Variants in CNTNAP4 observed in about 807,000 individuals in gnomAD.
CNTNAP4 encodes contactin associated protein family member 4.
CNTNAP4 carries 98 observed loss-of-function variants against 148.4 expected under a neutral mutation model. The observed-to-expected ratio is 0.66, with a 90% CI of 0.56 to 0.78. The LOEUF is 0.78. Among genes scored for constraint, CNTNAP4 ranks in the 30% least tolerant of loss-of-function variants. CNTNAP4 has a pLI of 0.00. For missense variants in CNTNAP4, 1,935 were observed against 1,565.6 expected, an observed-to-expected ratio of 1.24 and a Z score of -3.98; for synonymous variants, 730 against 565.1, an observed-to-expected ratio of 1.29 and a Z score of -4.14.
At chr16:76,377,447 A>T (rs1480704919) in intron 3 of CNTNAP4, among the ~76,000 whole-genome samples, 1 of 152,182 alleles carries the variant, frequency 6.6e-6, no homozygotes, top group African/African-American at 2.4e-5. Context: ...TCAGTGGTCT[A>T]TGGTGGAAGA....
intron 21 of CNTNAP4, among the ~76,000 whole-genome samples, chr16:76,545,654 A>C (rs1245448542): frequency 6.6e-6 from 1 of 152,208 alleles, no homozygotes; most frequent in African/African-American, 2.4e-5. Context: ...GGTGCCTCAA[A>C]TCTACAAACC....
chr16:76,548,569 G>A (rs1161028361), intron 21 of CNTNAP4, among the ~76,000 whole-genome samples: 1 of 151,680 alleles, frequency 6.6e-6, no homozygotes, highest in East Asian at 2.0e-4. Context: ...CATTTTTCTT[G>A]CAGGCCTTTT....
chr16:76,500,300 C>T (rs2082582070), intron 15 of CNTNAP4, among the ~76,000 whole-genome samples: 1 of 152,306 alleles, frequency 6.6e-6, no homozygotes, highest in Non-Finnish European at 1.5e-5. Context: ...TAAGTACGGT[C>T]TGAAATACTC....
intron 3 of CNTNAP4, among the ~76,000 whole-genome samples, chr16:76,387,730 A>G (rs1483435100): frequency 6.6e-6 from 1 of 152,184 alleles, no homozygotes; most frequent in Non-Finnish European, 1.5e-5. Flanking sequence ...TTAATTGCAT[A>G]TTGTCAGTCA....
In CNTNAP4 at chr16:76,462,124, C is replaced by T. The variant is rs755954156; in HGVS notation, c.1483+19C>T. ...TTTGGAGGTAAGAATAGGTGCCAGG[C>T]TCTATGAGCAACTGAACCATATTTG... On this transcript the variant is annotated intron_variant, in intron 9 of 23. Transcript: ENST00000611870. 1.2e-6 allele frequency: 2 copies of T among 1,604,312 alleles called. No individual in the cohort carries two copies. The highest frequency in any genetic ancestry group is 1.3e-5 in the African/African-American group (1 of 74,776).
At chr16:76,298,218 C>T (rs1459231576) in intron 1 of CNTNAP4, among the ~76,000 whole-genome samples, 6 of 152,068 alleles carry the variant, frequency 3.9e-5, no homozygotes, top group South Asian at 2.1e-4. Flanking sequence ...GGAGGTTAGC[C>T]GGTAGGTCTT....
intron 4 of CNTNAP4, among the ~76,000 whole-genome samples, chr16:76,435,206 A>G (rs1442932631): frequency 6.6e-6 from 1 of 152,064 alleles, no homozygotes. Flanking sequence ...AAGGGCTGTG[A>G]TTCTCTGTTT....
chr16:76,356,955 A>G (rs1180267075), intron 3 of CNTNAP4, among the ~76,000 whole-genome samples: 1 of 152,214 alleles, frequency 6.6e-6, no homozygotes, highest in East Asian at 1.9e-4. Context: ...CAACAGTGGG[A>G]CTAGAAGAAG....
chr16:76,540,652 A>C, intron 20 of CNTNAP4, 51 bp from the exon 21 acceptor site: 1 of 1,359,062 alleles, frequency 7.4e-7, no homozygotes, highest in South Asian at 1.3e-5. Context: ...CTGTCTTCTC[A>C]ACAAAACGTC....
At chr16:76,327,764 G>T (rs1963137543) in intron 2 of CNTNAP4, among the ~76,000 whole-genome samples, 1 of 152,222 alleles carries the variant, frequency 6.6e-6, no homozygotes, top group Admixed American at 6.5e-5. Flanking sequence ...CAAAGAGGAT[G>T]AGAGCTGATG....
chr16:76,544,797 A>G (rs75610169), intron 21 of CNTNAP4, among the ~76,000 whole-genome samples: 1 of 152,190 alleles, frequency 6.6e-6, no homozygotes, highest in Non-Finnish European at 1.5e-5. Flanking sequence ...ACGGTGGTCC[A>G]TAATAATCAT....
rs554706830 is a variant in CNTNAP4, at chr16:76,506,222, T to G, written c.2365+7528T>G. On this transcript the variant is annotated intron_variant, in intron 15 of 23. Transcript: ENST00000611870. Reference sequence around the variant, plus strand: ...TTTATTTTTGAGGAACCATCCAAAGTCTTTTAGACCAACAGTTCCTCCACT... The same window carrying G: ...TTTATTTTTGAGGAACCATCCAAAGGCTTTTAGACCAACAGTTCCTCCACT... Among the ~76,000 whole-genome samples the G allele has an allele frequency of 2.1e-5, 2 of 95,956 alleles. 1 individual carries two copies. The highest frequency in any genetic ancestry group is 2.0e-4 in the Admixed American group (2 of 9,860). The allele number at this position is 95,956 out of a possible 152,430, so 63.0% of individuals were successfully genotyped here.
intron 2 of CNTNAP4, among the ~76,000 whole-genome samples, chr16:76,353,896 C>A (rs186797093): frequency 6.6e-6 from 1 of 152,174 alleles, no homozygotes; most frequent in Admixed American, 6.5e-5. Context: ...CAATGGCATA[C>A]GCCCTACCAT....
chr16:76,349,428 C>T (rs1015480733), intron 2 of CNTNAP4, among the ~76,000 whole-genome samples: 3 of 152,104 alleles, frequency 2.0e-5, no homozygotes, highest in Non-Finnish European at 4.4e-5. Context: ...AGTAGAGTCA[C>T]GTTCTCTTCC....
At chr16:76,533,711 G>A (rs2084088640) in intron 17 of CNTNAP4, among the ~76,000 whole-genome samples, 1 of 151,938 alleles carries the variant, frequency 6.6e-6, no homozygotes, top group Non-Finnish European at 1.5e-5. Context: ...TGTAAATGTA[G>A]GAGGAATTAA....
chr16:76,431,896 A>G (rs2079621587), intron 4 of CNTNAP4, among the ~76,000 whole-genome samples: 1 of 147,636 alleles, frequency 6.8e-6, no homozygotes. Context: ...GTGGAAGGAA[A>G]CAAGAGATAA....
At chr16:76,460,213 T>A (rs1437281992) in intron 8 of CNTNAP4, among the ~76,000 whole-genome samples, 1 of 152,058 alleles carries the variant, frequency 6.6e-6, no homozygotes, top group Admixed American at 6.5e-5. Flanking sequence ...GTTCGAGCAG[T>A]TCTCCTGCCT....
At chr16:76,387,862 G>A (rs144983892) in intron 3 of CNTNAP4, among the ~76,000 whole-genome samples, 18 of 152,262 alleles carry the variant, frequency 1.2e-4, no homozygotes, top group African/African-American at 3.4e-4. Flanking sequence ...AGTGATTGCC[G>A]TTATTTTTGA....
intron 3 of CNTNAP4, among the ~76,000 whole-genome samples, chr16:76,361,250 C>T (rs772455494): frequency 3.3e-5 from 5 of 152,144 alleles, no homozygotes; most frequent in Admixed American, 2.0e-4. Flanking sequence ...AGGACTCAAT[C>T]GTTTTGCTTA....
Sources: allele counts gnomAD v4.1 joint callset (sites outside exome capture counted in the v4.1 genomes callset), GRCh38; gene constraint gnomAD v4.1.1; transcripts MANE v1.5; gene names NCBI Gene and HGNC (gene_info 2026-07-23, HGNC 2026-07-21).